FHIT: variants seen among roughly 807,000 people sequenced by gnomAD.
FHIT encodes bis(5'-adenosyl)-triphosphatase.
In FHIT, 19 loss-of-function variants were observed where a neutral mutation model predicts 17.9. That is an observed-to-expected ratio of 1.06 (90% CI 0.74 to 1.56). The LOEUF (loss-of-function observed/expected upper bound fraction) is 1.56, where lower values mean the gene tolerates loss of function less well. FHIT is among the 40% of genes most tolerant of loss of function. The pLI is 0.00. For missense variants in FHIT, 248 were observed against 189.2 expected (o/e 1.31, Z -1.82); for synonymous variants, 81 against 69.7 (o/e 1.16, Z -0.81).
At chr3:60,617,076 T>C (rs1576979281) in intron 4 of FHIT, 1 of 217,604 alleles carries the variant, frequency 4.6e-6, no homozygotes, top group Non-Finnish European at 9.9e-6. Context: ...CAGCCTGGAG[T>C]TTTTAACAGA....
At chr3:61,077,485 C>CAAACAAACA (rs1553826816) in intron 2 of FHIT, among the ~76,000 whole-genome samples, 1 of 151,304 alleles carries the variant, frequency 6.6e-6, no homozygotes, top group East Asian at 1.9e-4. Flanking sequence ...AACAAACAAA[C>CAAACAAACA]AAAAAAAAAC....
chr3:60,572,882 A>G (rs1379940794), intron 4 of FHIT, among the ~76,000 whole-genome samples: 2 of 152,174 alleles, frequency 1.3e-5, no homozygotes, highest in African/African-American at 2.4e-5. Context: ...TTTAATCACC[A>G]ACAACCTCCC....
chr3:60,714,006 T>C (rs1208072468), intron 4 of FHIT, among the ~76,000 whole-genome samples: 2 of 152,148 alleles, frequency 1.3e-5, no homozygotes, highest in Middle Eastern at 3.4e-3. Flanking sequence ...ACCAATATCC[T>C]TGATGAACAT....
At chr3:59,751,728 TACCAA>T (rs758010756) in intron 9 of FHIT, 9 of 232,370 alleles carry the variant, frequency 3.9e-5, no homozygotes, top group Non-Finnish European at 7.6e-5. Context: ...AAGGGCAATT[TACCAA>T]ATAGCAACTG....
At chr3:60,007,573 G>A (rs568459853) in intron 7 of FHIT, among the ~76,000 whole-genome samples, 13 of 152,228 alleles carry the variant, frequency 8.5e-5, no homozygotes, top group South Asian at 2.1e-4. Flanking sequence ...CCCATTGCCC[G>A]GTTCATGGCT....
At chr3:59,781,780 C>A (rs139909770) in intron 8 of FHIT, among the ~76,000 whole-genome samples, 1 of 152,288 alleles carries the variant, frequency 6.6e-6, no homozygotes, top group East Asian at 1.9e-4. Flanking sequence ...TGAAGATTAG[C>A]TTAGTGCTTC....
intron 3 of FHIT, among the ~76,000 whole-genome samples, chr3:60,831,263 T>C (rs547222904): frequency 5.9e-4 from 90 of 152,258 alleles, no homozygotes; most frequent in African/African-American, 2.1e-3. Context: ...TTTTAGGAGG[T>C]AAGTTATTCC....
rs1275317064 is a variant in FHIT at position 60,129,044 on chromosome 3, TTTTTGTTTG to T, written c.104-114901_104-114893del. 5.4e-4 allele frequency among the ~76,000 whole-genome samples: 63 copies of T among 117,368 alleles called. 1 individual carries two copies. Among genetic ancestry groups the T allele is most frequent in the African/African-American group, 2.2e-3 (61 of 28,026 alleles). The allele number at this position is 117,368 out of a possible 152,430, so 77.0% of individuals were successfully genotyped here. A position where few individuals can be genotyped will look rare whatever the true frequency, so the allele number is the denominator to read the frequency against. On this transcript the variant is annotated intron_variant, in intron 5 of 9. Transcript: ENST00000492590. The stretch of plus-strand genomic sequence containing the variant: ...TTAATTTTCCCTTTTCTTCTTTCCT[TTTTTGTTTG>T]TTTTTTTTTTTTTTTTTGAAACAGA...
chr3:59,984,451 C>G (rs1022150544), intron 7 of FHIT, among the ~76,000 whole-genome samples: 1 of 151,958 alleles, frequency 6.6e-6, no homozygotes, highest in Non-Finnish European at 1.5e-5. Context: ...TTCGCACTTA[C>G]GACATAGGAA....
chr3:59,916,301 G>A (rs1277988149), intron 8 of FHIT, among the ~76,000 whole-genome samples: 1 of 152,152 alleles, frequency 6.6e-6, no homozygotes, highest in Non-Finnish European at 1.5e-5. Flanking sequence ...TATACCAGTG[G>A]TTTGCCAGGG....
intron 2 of FHIT, among the ~76,000 whole-genome samples, chr3:61,120,031 T>C (rs930935720): frequency 6.6e-6 from 1 of 152,200 alleles, no homozygotes; most frequent in South Asian, 2.1e-4. Flanking sequence ...ATAACCTTGA[T>C]TAACACAACC....
At chr3:60,686,150 C>G (rs1553698374) in intron 4 of FHIT, among the ~76,000 whole-genome samples, 1 of 152,092 alleles carries the variant, frequency 6.6e-6, no homozygotes, top group East Asian at 1.9e-4. Context: ...GTTTCATTGT[C>G]TTCTTGCTTT....
chr3:60,901,855 A>G (rs909949462), intron 3 of FHIT, among the ~76,000 whole-genome samples: 1 of 152,188 alleles, frequency 6.6e-6, no homozygotes, highest in African/African-American at 2.4e-5. Context: ...AGAACCACTC[A>G]TCTAGCTGCT....
intron 5 of FHIT, among the ~76,000 whole-genome samples, chr3:60,392,850 G>C (rs1354580579): frequency 1.3e-5 from 2 of 152,098 alleles, no homozygotes; most frequent in Non-Finnish European, 2.9e-5. Context: ...CAGTTTTTTG[G>C]TATGCTCAAG....
intron 7 of FHIT, among the ~76,000 whole-genome samples, chr3:59,931,066 T>G (rs146550918): frequency 5.6e-4 from 85 of 152,352 alleles, no homozygotes; most frequent in African/African-American, 1.8e-3. Flanking sequence ...TCCCAACGCA[T>G]AAGACTTTTA....
At chr3:61,157,510 C>G (rs537533809) in intron 2 of FHIT, among the ~76,000 whole-genome samples, 2 of 152,230 alleles carry the variant, frequency 1.3e-5, no homozygotes, top group African/African-American at 4.8e-5. Context: ...CCAGAGGAAC[C>G]TTGGGAGCAT....
At chr3:61,163,960 G>A (rs948031804) in intron 2 of FHIT, among the ~76,000 whole-genome samples, 6 of 152,124 alleles carry the variant, frequency 3.9e-5, no homozygotes, top group East Asian at 1.9e-4. Flanking sequence ...TTGCAGTTGC[G>A]TACATCAGCA....
chr3:60,018,150 A>G (rs1700415540), intron 5 of FHIT, among the ~76,000 whole-genome samples: 1 of 152,190 alleles, frequency 6.6e-6, no homozygotes, highest in Non-Finnish European at 1.5e-5. Context: ...GCAGAAGTGG[A>G]AGGGAAAACA....
rs1163118881 is a variant in FHIT at position 61,222,125 on chromosome 3, TC to T, written c.-212-21461del. Among the ~76,000 whole-genome samples, 3 of 152,296 alleles carry T rather than the reference TC, an allele frequency of 2.0e-5. No individual in the cohort carries two copies. In the East Asian group the frequency reaches 5.8e-4, roughly 29 times the overall value. Reference sequence around the variant, plus strand: ...CATCTGGAAGACTCTCTAGTCTCCTTCCCTCTCATTTTTAATCTGACAGACA... The same window carrying T: ...CATCTGGAAGACTCTCTAGTCTCCTTCCTCTCATTTTTAATCTGACAGACA... On this transcript the variant is annotated intron_variant, in intron 1 of 9. Transcript: ENST00000492590.
Sources: allele counts gnomAD v4.1 joint callset (sites outside exome capture counted in the v4.1 genomes callset), GRCh38; gene constraint gnomAD v4.1.1; transcripts MANE v1.5; gene names NCBI Gene and HGNC (gene_info 2026-07-23, HGNC 2026-07-21).